The following CDH13 variants were observed in gnomAD, a reference collection of about 807,000 sequenced individuals.
CDH13 encodes cadherin-13.
In CDH13, 24 loss-of-function variants were observed where a neutral mutation model predicts 63.8. That is an observed-to-expected ratio of 0.38 (90% CI 0.27 to 0.53). The LOEUF is 0.53. Among genes scored for constraint, CDH13 ranks in the 20% least tolerant of loss-of-function variants. The pLI is 0.85. For synonymous variants in CDH13, 503 were observed against 355.3 expected, an observed-to-expected ratio of 1.42 and a Z score of -4.67; for missense variants, 1,049 against 903.1, an observed-to-expected ratio of 1.16 and a Z score of -2.07.
intron 2 of CDH13, among the ~76,000 whole-genome samples, chr16:82,976,214 G>A (rs1484659739): frequency 6.6e-6 from 1 of 152,142 alleles, no homozygotes; most frequent in African/African-American, 2.4e-5. Flanking sequence ...TACACCAGGG[G>A]GCCTGGGCTT....
chr16:83,155,590 A>G, intron 4 of CDH13, among the ~76,000 whole-genome samples: 1 of 152,070 alleles, frequency 6.6e-6, no homozygotes, highest in Non-Finnish European at 1.5e-5. Flanking sequence ...AACAAGTTAA[A>G]TGTGCATGTT....
chr16:82,669,173 T>G (rs1209050759), intron 1 of CDH13, among the ~76,000 whole-genome samples: 1 of 152,138 alleles, frequency 6.6e-6, no homozygotes, highest in Non-Finnish European at 1.5e-5. Context: ...CTACAGACCA[T>G]CGGAAACCTC....
chr16:82,746,525 G>A (rs552921977), intron 1 of CDH13, among the ~76,000 whole-genome samples: 7 of 151,772 alleles, frequency 4.6e-5, no homozygotes, highest in African/African-American at 1.4e-4. Flanking sequence ...TTTAAAAATC[G>A]GGTTATTACT....
At chr16:83,667,019 ATGGATGGATGGG>A (rs143829415) in intron 8 of CDH13, among the ~76,000 whole-genome samples, 65,974 of 149,802 alleles carry the variant, frequency 0.44, 14,760 homozygotes, top group Middle Eastern at 0.59. Flanking sequence ...GGATGGATGG[ATGGATGGATGGG>A]TGGATGGATG....
intron 10 of CDH13, chr16:83,740,064 C>A (rs1024955091): frequency 3.3e-5 from 5 of 151,988 alleles, no homozygotes; most frequent in African/African-American, 1.2e-4. Flanking sequence ...AAGACTTATC[C>A]GATGAGGCAA....
chr16:83,001,636 C>T (rs1912943006), intron 2 of CDH13, among the ~76,000 whole-genome samples: 1 of 152,172 alleles, frequency 6.6e-6, no homozygotes, highest in South Asian at 2.1e-4. Context: ...AATGGATGTG[C>T]CACTCTGAGA....
At chr16:83,120,759 C>CTTTTTTT (rs1476338366) in intron 3 of CDH13, among the ~76,000 whole-genome samples, 1 of 45,952 alleles carries the variant, frequency 2.2e-5, no homozygotes, top group African/African-American at 1.2e-4. Context: ...CTCTAATTTT[C>CTTTTTTT]TTTCTTTTTT....
chr16:82,900,036 C>T (rs961825949), intron 2 of CDH13, among the ~76,000 whole-genome samples: 8 of 151,364 alleles, frequency 5.3e-5, no homozygotes, highest in Admixed American at 4.6e-4. Flanking sequence ...ATCTTGATTG[C>T]TCTCTCTCTC....
intron 2 of CDH13, 199 bp downstream of exon 2, chr16:82,858,672 T>C: frequency 1.6e-6 from 1 of 617,416 alleles, no homozygotes; most frequent in South Asian, 2.0e-5. Flanking sequence ...GATATGCATC[T>C]CTTTTTAGTA....
chr16:82,901,333 T>TGTGTGA (rs2041461822), intron 2 of CDH13, among the ~76,000 whole-genome samples: 1 of 145,960 alleles, frequency 6.9e-6, no homozygotes, highest in African/African-American at 2.5e-5. Flanking sequence ...CCTGTGTGTG[T>TGTGTGA]GTGTGTGTGT....
chr16:83,022,218 A>G (rs186558081), intron 2 of CDH13, among the ~76,000 whole-genome samples: 10 of 152,352 alleles, frequency 6.6e-5, no homozygotes, highest in Admixed American at 3.9e-4. Flanking sequence ...TGTCAGAAAG[A>G]CATTGTCATG....
intron 2 of CDH13, among the ~76,000 whole-genome samples, chr16:82,912,396 G>C (rs1233572803): frequency 6.6e-6 from 1 of 152,182 alleles, no homozygotes; most frequent in Non-Finnish European, 1.5e-5. Flanking sequence ...TGGTTGTAGA[G>C]TTCAGATAAT....
At chr16:83,751,920 G>C (rs1049791498) in intron 11 of CDH13, among the ~76,000 whole-genome samples, 1 of 152,224 alleles carries the variant, frequency 6.6e-6, no homozygotes, top group Non-Finnish European at 1.5e-5. Flanking sequence ...TGGCAAGATA[G>C]AAATGGAATA....
intron 2 of CDH13, among the ~76,000 whole-genome samples, chr16:82,910,319 C>G (rs1193118533): frequency 6.6e-6 from 1 of 152,218 alleles, no homozygotes; most frequent in Non-Finnish European, 1.5e-5. Context: ...ATGCTTCTCT[C>G]TGCACCTGTG....
At chr16:82,975,430 G>A (rs1286066764) in intron 2 of CDH13, among the ~76,000 whole-genome samples, 3 of 152,196 alleles carry the variant, frequency 2.0e-5, no homozygotes, top group African/African-American at 7.2e-5. Context: ...GCTGCCGTGT[G>A]ACCCTAGGCA....
At chr16:83,316,200 A>G (rs113094777) in intron 5 of CDH13, among the ~76,000 whole-genome samples, 2 of 152,254 alleles carry the variant, frequency 1.3e-5, no homozygotes, top group African/African-American at 4.8e-5. Flanking sequence ...CCATGATCTG[A>G]TCACCTCCCA....
intron 1 of CDH13, among the ~76,000 whole-genome samples, chr16:82,771,057 G>T (rs2035244234): frequency 6.6e-6 from 1 of 152,176 alleles, no homozygotes; most frequent in Non-Finnish European, 1.5e-5. Context: ...AAAAAATTAA[G>T]TTGTGACTTT....
chr16:82,661,719 T>C (rs970235478), intron 1 of CDH13, among the ~76,000 whole-genome samples: 43 of 152,192 alleles, frequency 2.8e-4, no homozygotes, highest in African/African-American at 8.7e-4. Flanking sequence ...TGAATGTACA[T>C]TGTAGGAACC....
intron 1 of CDH13, among the ~76,000 whole-genome samples, chr16:82,683,843 A>G (rs1256500385): frequency 6.6e-6 from 1 of 152,188 alleles, no homozygotes; most frequent in Non-Finnish European, 1.5e-5. Flanking sequence ...TAGACATTAT[A>G]TTACATATTA....
Sources: allele counts gnomAD v4.1 joint callset (sites outside exome capture counted in the v4.1 genomes callset), GRCh38; gene constraint gnomAD v4.1.1; transcripts MANE v1.5; gene names NCBI Gene and HGNC (gene_info 2026-07-23, HGNC 2026-07-21).